PHF11: variants seen among roughly 807,000 people sequenced by gnomAD.
The protein encoded by PHF11 is PHD finger protein 11, also known as BRCA1 C-terminus-associated protein.
In PHF11, 38 loss-of-function variants were observed where a neutral mutation model predicts 40.5. The ratio of observed to expected loss-of-function variants is 0.94; its 90% CI spans 0.72 to 1.23. The LOEUF is 1.23. Among genes scored for constraint, PHF11 ranks in the 50% most tolerant of loss-of-function variants. The pLI is 0.00. For missense variants in PHF11, 369 were observed against 392.4 expected (o/e 0.94, Z 0.50); for synonymous variants, 127 against 138.2 (o/e 0.92, Z 0.57).
At chr13:49,514,743 G>A (rs2139056335) in intron 3 of PHF11, among the ~76,000 whole-genome samples, 1 of 144,300 alleles carries the variant, frequency 6.9e-6, no homozygotes, top group African/African-American at 2.6e-5. Context: ...GGGCAACAGA[G>A]TGAGACTCTG....
intron 1 of PHF11, among the ~76,000 whole-genome samples, chr13:49,498,302 G>A (rs1035408325): frequency 3.9e-5 from 6 of 152,242 alleles, no homozygotes; most frequent in African/African-American, 1.4e-4. Flanking sequence ...ATGAGCAGAT[G>A]TCCATTTCAG....
chr13:49,504,420 C>A (rs1958949201), intron 1 of PHF11, among the ~76,000 whole-genome samples: 2 of 152,054 alleles, frequency 1.3e-5, no homozygotes, highest in Admixed American at 1.3e-4. Context: ...TGCGCCACTG[C>A]ACTCCAACCT....
chr13:49,517,713 GAAAATTCTTTTT>G (rs1348398698), intron 3 of PHF11, among the ~76,000 whole-genome samples: 1 of 152,098 alleles, frequency 6.6e-6, no homozygotes, highest in Non-Finnish European at 1.5e-5. Context: ...CTGCTTTTTA[GAAAATTCTTTTT>G]AAAAGACAGA....
At chr13:49,508,360 A>C (rs1234231634) in intron 2 of PHF11, among the ~76,000 whole-genome samples, 1 of 146,872 alleles carries the variant, frequency 6.8e-6, no homozygotes, top group African/African-American at 2.5e-5. Flanking sequence ...TCATATATTC[A>C]TATATAATAT....
intron 1 of PHF11, among the ~76,000 whole-genome samples, chr13:49,499,755 A>T (rs1285319880): frequency 6.6e-6 from 1 of 152,236 alleles, no homozygotes; most frequent in Non-Finnish European, 1.5e-5. Flanking sequence ...TGCAATAAAC[A>T]CTAATGATAA....
At chr13:49,518,333 T>C in intron 4 of PHF11, 182 bp downstream of exon 4, 1 of 283,452 alleles carries the variant, frequency 3.5e-6, no homozygotes, top group African/African-American at 2.2e-5. Context: ...TCTATATATA[T>C]ATATATATTA....
chr13:49,507,775 G>A (rs1212294636), intron 2 of PHF11, among the ~76,000 whole-genome samples: 1 of 152,194 alleles, frequency 6.6e-6, no homozygotes, highest in Non-Finnish European at 1.5e-5. Context: ...GTGAAAAACA[G>A]AATGGTTTAT....
chr13:49,510,275 C>T (rs1372425233), intron 2 of PHF11, among the ~76,000 whole-genome samples: 2 of 152,220 alleles, frequency 1.3e-5, no homozygotes, highest in African/African-American at 4.8e-5. Context: ...ATCCTCCCAC[C>T]TCAGCCTCCC....
rs1292899285 is a variant in PHF11, at chr13:49,506,743, A to C, written c.203A>C (p.His68Pro). Reference protein sequence around the residue: ...YFAQSENIAAHENCLLYSSGL... With the variant: ...YFAQSENIAAPENCLLYSSGL... ...GCACAATCAGAGAATATAGCTGCTC[A>C]TGAGAATTGTTTGGTAAGTTACTTG... is the stretch of plus-strand genomic sequence containing the variant. Residue 68 changes from histidine to proline, a missense_variant, in exon 2 of 10, where the codon CAT becomes CCT. His to Pro is a moderately conservative substitution (Grantham distance 77, BLOSUM62 -2). Coordinates refer to ENST00000378319, the MANE Select transcript of PHF11 (RefSeq NM_001040443.3). 2 of 1,608,328 alleles carry C rather than the reference A, an allele frequency of 1.2e-6. No homozygotes were observed. The highest frequency in any genetic ancestry group is 1.7e-5 in the Admixed American group (1 of 59,820).
chr13:49,508,845 G>A lies in PHF11; in HGVS notation c.216+2089G>A, dbSNP rs1376408648. 2.0e-5 allele frequency among the ~76,000 whole-genome samples: 3 copies of A among 152,032 alleles called. No individual in the cohort carries two copies. The East Asian group carries it at 5.8e-4, about 29-fold the overall frequency. ...CAATTAAATTTGGAAGCCCTGTCTT[G>A]CTTCTGATATTAATGGGATGCTCCA... On this transcript the variant is annotated intron_variant, in intron 2 of 9. Coordinates refer to ENST00000378319, the MANE Select transcript of PHF11 (RefSeq NM_001040443.3).
chr13:49,521,454 A>C (rs1959187196), intron 5 of PHF11: 1 of 986,278 alleles, frequency 1.0e-6, no homozygotes, highest in African/African-American at 1.7e-5. Context: ...TGGAGTCAGG[A>C]CCTCGTTGGA....
In PHF11 at chr13:49,528,893, A is replaced by G. The variant is rs1224530770; in HGVS notation, c.*228A>G. On this transcript the variant is annotated 3_prime_UTR_variant, in exon 10 of 10. Coordinates refer to ENST00000378319, the MANE Select transcript of PHF11 (RefSeq NM_001040443.3). ...AGTATGCTCAGTAAATGTTTGTGGAATAAGTGCATAAAATGTTCTTAACCT... is the reference window on the plus strand; with the variant it reads ...AGTATGCTCAGTAAATGTTTGTGGAGTAAGTGCATAAAATGTTCTTAACCT... 4 of 408,368 alleles carry G rather than the reference A, an allele frequency of 9.8e-6. No individual in the cohort carries two copies. Among genetic ancestry groups the G allele is most frequent in the South Asian group, 6.4e-5 (1 of 15,648 alleles). The allele number at this position is 408,368 out of a possible 1,614,324, so 25.3% of individuals were successfully genotyped here.
chr13:49,506,852 A>C, intron 2 of PHF11, 96 bp downstream of exon 2: 1 of 717,268 alleles, frequency 1.4e-6, no homozygotes, highest in Non-Finnish European at 2.1e-6. Context: ...AAAGAATAAC[A>C]AGTTGGCCAT....
At chr13:49,521,271 TA>T in intron 5 of PHF11, 2 of 1,019,014 alleles carry the variant, frequency 2.0e-6, no homozygotes, top group Non-Finnish European at 2.3e-6. Flanking sequence ...GATAAAATTT[TA>T]AAAGTGCTGC....
intron 1 of PHF11, among the ~76,000 whole-genome samples, chr13:49,505,642 T>C (rs1479354565): frequency 6.6e-6 from 1 of 152,212 alleles, no homozygotes; most frequent in Non-Finnish European, 1.5e-5. Flanking sequence ...TGTGGCCAAA[T>C]AGCAAATAAC....
At chr13:49,522,143 TCATA>T (rs752843396) in intron 6 of PHF11, 36 bp downstream of exon 6, 23 of 1,034,340 alleles carry the variant, frequency 2.2e-5, no homozygotes, top group African/African-American at 1.6e-4. Context: ...TTGCATTTCT[TCATA>T]CAGAGTCCTT....
At chr13:49,503,166 C>T (rs568854891) in intron 1 of PHF11, among the ~76,000 whole-genome samples, 1 of 152,286 alleles carries the variant, frequency 6.6e-6, no homozygotes, top group East Asian at 1.9e-4. Context: ...CTTACTGTCT[C>T]AGCTCCGATC....
At chr13:49,521,043 A>G in intron 5 of PHF11, 103 bp downstream of exon 5, 22 of 1,422,502 alleles carry the variant, frequency 1.5e-5, no homozygotes, top group Non-Finnish European at 2.1e-5. Context: ...TAAAATACAA[A>G]TGTTTGAGTT....
chr13:49,496,830 C>CTT (rs34505707), intron 1 of PHF11, among the ~76,000 whole-genome samples: 2,217 of 87,944 alleles, frequency 0.025, 108 homozygotes, highest in African/African-American at 0.045. Context: ...TGGGCTTACC[C>CTT]TTTTTTTTTT....
Sources: gnomAD v4.1 joint callset for allele counts (sites outside exome capture counted in the v4.1 genomes callset) on GRCh38, gnomAD v4.1.1 for gene constraint, MANE v1.5 for transcripts, NCBI Gene and HGNC (gene_info 2026-07-23, HGNC 2026-07-21) for gene names.